Variants in SCN1A observed in about 807,000 individuals in gnomAD.
SCN1A encodes the protein sodium voltage-gated channel alpha subunit 1, also known as sodium channel protein type 1 subunit alpha.
Under a neutral mutation model 193.7 loss-of-function variants are expected in SCN1A, and 13 were observed. The ratio of observed to expected loss-of-function variants is 0.07; its 90% CI spans 0.04 to 0.11. SCN1A has a LOEUF of 0.11. Among genes scored for constraint, SCN1A ranks in the 10% least tolerant of loss-of-function variants. SCN1A has a pLI of 1.00. For synonymous variants in SCN1A, 781 were observed against 843.6 expected (o/e 0.93, Z 1.29); for missense variants, 1,432 against 2,451.1 (o/e 0.58, Z 8.78).
chr2:166,108,254 A>C (rs898912530), intron 2 of SCN1A, among the ~76,000 whole-genome samples: 2 of 152,040 alleles, frequency 1.3e-5, no homozygotes, highest in African/African-American at 4.8e-5. Context: ...CCAATGAGAC[A>C]TCACGTCACA....
chr2:166,064,369 G>A (rs1466899417), intron 4 of SCN1A, among the ~76,000 whole-genome samples: 1 of 151,996 alleles, frequency 6.6e-6, no homozygotes, highest in African/African-American at 2.4e-5. Context: ...GTCATAGCAG[G>A]GCTGTTAATA....
In SCN1A at chr2:165,989,330, C is replaced by T. The variant is rs1341903827; in HGVS notation, c.*1915G>A. On this transcript the variant is annotated 3_prime_UTR_variant, in exon 29 of 29. Transcript: ENST00000674923. ...GCTTCTGTAAGAAACACAAAATGTCCTGATGTAATTGACTATATAAGTTGA... is the reference window on the plus strand; with the variant it reads ...GCTTCTGTAAGAAACACAAAATGTCTTGATGTAATTGACTATATAAGTTGA... 2 of 152,322 alleles carry T rather than the reference C, an allele frequency of 1.3e-5. No homozygotes were observed. The highest frequency in any genetic ancestry group is 1.5e-5 in the Non-Finnish European group (1 of 67,986). The allele number at this position is 152,322 out of a possible 1,614,324, so 9.4% of individuals were successfully genotyped here.
At chr2:165,985,291 GAGGA>G (rs892463614), downstream of SCN1A, 6 of 149,548 alleles carry the variant, frequency 4.0e-5, no homozygotes, top group Non-Finnish European at 5.9e-5. Flanking sequence ...GAGAGGGAGA[GAGGA>G]AGGAAGGGAG....
chr2:165,996,067 A>C lies in SCN1A; in HGVS notation c.4527T>G (p.Asn1509Lys), dbSNP rs1175089809. 2.5e-6 allele frequency: 4 copies of C among 1,609,462 alleles called. No individual in the cohort carries two copies. In the African/African-American group the frequency reaches 5.4e-5, roughly 22 times the overall value. ...TTTTCGATCCTAATTTTTTCATTGC[A>C]TTATAGTATTTCTTCTGTTCTTCTG... ...FMTEEQKKYY[N>K]AMKKLGSKKP... Residue 1509 changes from asparagine (N) to lysine (K), a missense_variant, in exon 27 of 29, where the codon AAT becomes AAG. Physicochemically the swap from Asn to Lys is moderately conservative, Grantham distance 94. Around this residue, in one of 18 missense-constraint regions of SCN1A, gnomAD observed 85 missense variants for 119.1 expected, o/e 0.71. Coordinates refer to ENST00000674923, the MANE Select transcript of SCN1A (RefSeq NM_001165963.4).
At chr2:166,022,651 G>A (rs1694225399) in intron 19 of SCN1A, among the ~76,000 whole-genome samples, 1 of 152,120 alleles carries the variant, frequency 6.6e-6, no homozygotes, top group Admixed American at 6.5e-5. Flanking sequence ...CCTGTGACTT[G>A]CTTCTAACCA....
chr2:166,071,101 A>T (rs529459539), intron 4 of SCN1A, among the ~76,000 whole-genome samples: 14 of 152,338 alleles, frequency 9.2e-5, no homozygotes, highest in African/African-American at 3.4e-4. Context: ...ATACAGTAGC[A>T]TACTCTATAC....
rs371419590 is a variant in SCN1A, at chr2:166,103,390, G to T, written c.-142+23534C>A. On this transcript the variant is annotated intron_variant, in intron 2 of 28. Transcript: ENST00000674923. ...CACTTGAACCCGGGAGGTGGAGGTT[G>T]CAGTGAGCCGAGTTCGCACCGCTGC... 1.5e-4 allele frequency among the ~76,000 whole-genome samples: 23 copies of T among 152,000 alleles called. No homozygotes were observed. The East Asian group carries it at 3.1e-3, about 20-fold the overall frequency.
At chr2:166,013,694 A>T in intron 21 of SCN1A, 50 bp downstream of exon 21, 2 of 1,530,236 alleles carry the variant, frequency 1.3e-6, no homozygotes, top group Non-Finnish European at 1.8e-6. Context: ...CATCAGTATT[A>T]GAGTGTTCTA....
intron 19 of SCN1A, among the ~76,000 whole-genome samples, chr2:166,016,977 TGAA>T (rs560103710): frequency 7.9e-4 from 119 of 150,870 alleles, no homozygotes; most frequent in Non-Finnish European, 1.5e-3. Context: ...TGTATTTGCT[TGAA>T]GAAGGATAGC....
At chr2:166,030,293 A>G (rs991551281) in intron 19 of SCN1A, among the ~76,000 whole-genome samples, 4 of 152,162 alleles carry the variant, frequency 2.6e-5, no homozygotes, top group African/African-American at 9.7e-5. Flanking sequence ...TAAGGCTGGA[A>G]TAACAGTGTG....
chr2:166,030,098 A>G (rs1695352685), intron 19 of SCN1A, among the ~76,000 whole-genome samples: 1 of 152,162 alleles, frequency 6.6e-6, no homozygotes, highest in African/African-American at 2.4e-5. Flanking sequence ...TTCAACAAAT[A>G]GTATTATTTA....
At chr2:166,009,650 C>A in intron 23 of SCN1A, 69 bp downstream of exon 23, 1 of 1,482,240 alleles carries the variant, frequency 6.7e-7, no homozygotes, top group Non-Finnish European at 9.1e-7. Context: ...ATAGATTTTC[C>A]TTTTTCTAAA....
chr2:166,065,884 A>G (rs1004784540), intron 4 of SCN1A, among the ~76,000 whole-genome samples: 2 of 152,168 alleles, frequency 1.3e-5, no homozygotes, highest in African/African-American at 4.8e-5. Flanking sequence ...TGTGTGAAAG[A>G]TTTTCTGATT....
chr2:165,992,388 G>C lies in SCN1A; in HGVS notation c.4887C>G (p.Phe1629Leu). 1 of 1,613,596 alleles carries C rather than the reference G, an allele frequency of 6.2e-7. No homozygotes were observed. The highest frequency in any genetic ancestry group is 8.5e-7 in the Non-Finnish European group (1 of 1,179,742). The change falls in exon 29 of 29, where the codon TTC (phenylalanine) becomes TTG (leucine). Residue 1629 changes from phenylalanine (F) to leucine (L), a missense_variant. Physicochemically the swap from Phe to Leu is conservative, Grantham distance 22. Around this residue, in one of 18 missense-constraint regions of SCN1A, gnomAD observed 85 missense variants for 213.2 expected, o/e 0.40. Coordinates refer to ENST00000674923, the MANE Select transcript of SCN1A (RefSeq NM_001165963.4). This position sits in a 1 kb window ranked among gnomAD's most constrained non-coding sequence, Gnocchi z 6.5. ...TCACTCGGAACAGGGTAGGGGACAC[G>C]AAATACTTTTCTATCAGCTCGGCAA... ...MFLAELIEKY[F>L]VSPTLFRVIR...
rs1689006111 is a variant in SCN1A at position 165,990,667 on chromosome 2, G to GTGC, written c.*575_*577dup. 6.5e-6 allele frequency: 1 copy of GTGC among 153,466 alleles called. No homozygotes were observed. The highest frequency in any genetic ancestry group is 1.5e-5 in the Non-Finnish European group (1 of 68,808). 9.5% of individuals were successfully genotyped at this position (153,466 alleles called of 1,614,324 possible). A position where few individuals can be genotyped will look rare whatever the true frequency, so the allele number is the denominator to read the frequency against. ...ACTTTTTCTCATGCATGATCTCTAA[G>GTGC]TGCAGCATGCCCTCATGCAAACCAC... On this transcript the variant is annotated 3_prime_UTR_variant, in exon 29 of 29. Transcript: ENST00000674923.
At chr2:166,137,965 T>A (rs1691929363) in intron 1 of SCN1A, among the ~76,000 whole-genome samples, 1 of 152,212 alleles carries the variant, frequency 6.6e-6, no homozygotes, top group Non-Finnish European at 1.5e-5. Flanking sequence ...TGTTGGGAAC[T>A]GGAGCAAAGG....
chr2:166,108,723 CAT>C (rs1688966778), intron 2 of SCN1A, among the ~76,000 whole-genome samples: 1 of 152,104 alleles, frequency 6.6e-6, no homozygotes, highest in Non-Finnish European at 1.5e-5. Context: ...TGACACATTG[CAT>C]GATTCTATTC....
At chr2:166,103,068 G>GAGATAT (rs1553571676) in intron 2 of SCN1A, among the ~76,000 whole-genome samples, 4 of 149,026 alleles carry the variant, frequency 2.7e-5, no homozygotes, top group East Asian at 2.0e-4. Flanking sequence ...AGATTTGGGA[G>GAGATAT]ATATATATAT....
intron 2 of SCN1A, among the ~76,000 whole-genome samples, chr2:166,117,045 A>G (rs926076224): frequency 2.0e-5 from 3 of 152,182 alleles, no homozygotes; most frequent in African/African-American, 7.2e-5. Flanking sequence ...TTTTCAAAAT[A>G]ATAATTTTCT....
Sources: allele counts gnomAD v4.1 joint callset (sites outside exome capture counted in the v4.1 genomes callset), GRCh38; gene constraint gnomAD v4.1.1; regional missense constraint gnomAD v4.1.1; non-coding constraint Gnocchi (gnomAD v3.1); transcripts MANE v1.5; gene names NCBI Gene and HGNC (gene_info 2026-07-23, HGNC 2026-07-21).